Variants in PRKAR2B observed in about 807,000 individuals in gnomAD.
PRKAR2B encodes protein kinase cAMP-dependent type II regulatory subunit beta.
A neutral mutation model predicts 49.9 loss-of-function variants in PRKAR2B; 14 were observed. The observed-to-expected ratio is 0.28, with a 90% CI of 0.19 to 0.44. The LOEUF (loss-of-function observed/expected upper bound fraction) is 0.44, where lower values mean the gene tolerates loss of function less well. Among genes scored for constraint, PRKAR2B ranks in the 20% least tolerant of loss-of-function variants. The pLI is 1.00. For missense variants in PRKAR2B, 393 were observed against 537.9 expected, an observed-to-expected ratio of 0.73 and a Z score of 2.67; for synonymous variants, 196 against 197.7, an observed-to-expected ratio of 0.99 and a Z score of 0.07.
At chr7:107,112,003 C>CAAAAAAAA (rs71134251) in intron 2 of PRKAR2B, among the ~76,000 whole-genome samples, 4 of 46,146 alleles carry the variant, frequency 8.7e-5, no homozygotes, top group African/African-American at 2.8e-4. Context: ...CCTCCTCTAC[C>CAAAAAAAA]AAAAAAAAAA....
At chr7:107,085,523 A>G (rs1301998276) in intron 2 of PRKAR2B, among the ~76,000 whole-genome samples, 2 of 152,202 alleles carry the variant, frequency 1.3e-5, no homozygotes, top group African/African-American at 4.8e-5. Context: ...GAAGTAGTAC[A>G]GAAGAGTATA....
At chr7:107,091,846 A>G (rs185919413) in intron 2 of PRKAR2B, 1 of 152,098 alleles carries the variant, frequency 6.6e-6, no homozygotes, top group African/African-American at 2.4e-5. Flanking sequence ...TTTATCACCC[A>G]TGTAAGATGC....
intron 4 of PRKAR2B, among the ~76,000 whole-genome samples, chr7:107,134,379 A>G (rs1375740156): frequency 6.6e-6 from 1 of 152,172 alleles, no homozygotes; most frequent in Admixed American, 6.5e-5. Flanking sequence ...TAGAGGTTCC[A>G]TATTCTTTTT....
intron 5 of PRKAR2B, among the ~76,000 whole-genome samples, chr7:107,143,008 C>T (rs1195529335): frequency 1.3e-5 from 2 of 152,316 alleles, no homozygotes; most frequent in East Asian, 3.9e-4. Context: ...GGTAATCCGC[C>T]TGCCTTGGCT....
At chr7:107,115,201 T>C (rs1410330294) in intron 2 of PRKAR2B, among the ~76,000 whole-genome samples, 1 of 152,120 alleles carries the variant, frequency 6.6e-6, no homozygotes, top group Non-Finnish European at 1.5e-5. Flanking sequence ...ATTGATAACC[T>C]TGGGGAGAGG....
intron 2 of PRKAR2B, among the ~76,000 whole-genome samples, chr7:107,102,701 C>T (rs944269432): frequency 3.9e-5 from 6 of 152,250 alleles, no homozygotes; most frequent in African/African-American, 9.6e-5. Flanking sequence ...GACAGAGCCT[C>T]GCTCTGTCAC....
chr7:107,109,136 G>T (rs1425324680), intron 2 of PRKAR2B, among the ~76,000 whole-genome samples: 1 of 152,210 alleles, frequency 6.6e-6, no homozygotes, highest in Non-Finnish European at 1.5e-5. Flanking sequence ...CCAGGTCATT[G>T]CTGTGGCATC....
At chr7:107,048,811 A>G (rs1793749247) in intron 1 of PRKAR2B, among the ~76,000 whole-genome samples, 1 of 152,160 alleles carries the variant, frequency 6.6e-6, no homozygotes. Context: ...CAGTCTTATA[A>G]ATTCTAATTG....
chr7:107,102,981 GT>G (rs1284498849), intron 2 of PRKAR2B, among the ~76,000 whole-genome samples: 1 of 152,046 alleles, frequency 6.6e-6, no homozygotes, highest in African/African-American at 2.4e-5. Flanking sequence ...GAAAGAAATA[GT>G]TTTTCAAAAT....
At chr7:107,054,282 A>G (rs1420664625) in intron 1 of PRKAR2B, among the ~76,000 whole-genome samples, 2 of 152,168 alleles carry the variant, frequency 1.3e-5, no homozygotes, top group Admixed American at 6.5e-5. Flanking sequence ...TGAACCCGAG[A>G]GGCAGAGCTT....
intron 2 of PRKAR2B, among the ~76,000 whole-genome samples, chr7:107,091,320 A>G (rs1794729443): frequency 6.6e-6 from 1 of 152,234 alleles, no homozygotes; most frequent in Non-Finnish European, 1.5e-5. Context: ...TCATATGTGC[A>G]TTCTATGAGA....
chr7:107,121,813 A>T (rs1795394164), intron 2 of PRKAR2B, 139 bp from the exon 3 acceptor site: 3 of 424,844 alleles, frequency 7.1e-6, no homozygotes, highest in Admixed American at 4.4e-5. Flanking sequence ...TGGGGGGTAG[A>T]CTGCTTCTCC....
chr7:107,122,801 T>C (rs1170754363), intron 3 of PRKAR2B, among the ~76,000 whole-genome samples: 8 of 152,222 alleles, frequency 5.3e-5, no homozygotes, highest in South Asian at 4.1e-4. Context: ...TTGAAACTTA[T>C]GTAAAATCCA....
chr7:107,075,381 GTA>G (rs1794377164), intron 2 of PRKAR2B, among the ~76,000 whole-genome samples: 1 of 151,262 alleles, frequency 6.6e-6, no homozygotes, highest in Non-Finnish European at 1.5e-5. Flanking sequence ...GATTATAGGT[GTA>G]AGCCACCACA....
At chr7:107,088,925 T>A (rs1794670947) in intron 2 of PRKAR2B, among the ~76,000 whole-genome samples, 2 of 151,894 alleles carry the variant, frequency 1.3e-5, no homozygotes, top group African/African-American at 4.8e-5. Flanking sequence ...TAATCATATT[T>A]TGGGAGGCCG....
chr7:107,116,971 G>A (rs1268954527), intron 2 of PRKAR2B, among the ~76,000 whole-genome samples: 9 of 142,674 alleles, frequency 6.3e-5, no homozygotes, highest in Admixed American at 4.9e-4. Context: ...ATATATATAT[G>A]TGTATATATA....
chr7:107,071,701 A>C (rs1337897118), intron 2 of PRKAR2B, among the ~76,000 whole-genome samples: 2 of 152,318 alleles, frequency 1.3e-5, no homozygotes, highest in South Asian at 4.1e-4. Context: ...AATAATCACC[A>C]TTTCTACCTC....
chr7:107,048,145 G>A (rs1393595996), intron 1 of PRKAR2B, among the ~76,000 whole-genome samples: 1 of 152,148 alleles, frequency 6.6e-6, no homozygotes, highest in Non-Finnish European at 1.5e-5. Context: ...TTGACTGCCC[G>A]ATTCTATCTC....
rs180906172 is a variant in PRKAR2B, at chr7:107,140,968, A to G, written c.587+15A>G. ...GTAATTGATAGGTAAGTTTTGCCCAACCTTACTATTGAAATTGAAAGAACC... is the reference window on the plus strand; with the variant it reads ...GTAATTGATAGGTAAGTTTTGCCCAGCCTTACTATTGAAATTGAAAGAACC... On this transcript the variant is annotated intron_variant, in intron 5 of 10. Coordinates refer to ENST00000265717, the MANE Select transcript of PRKAR2B (RefSeq NM_002736.3). 4.5e-6 allele frequency: 7 copies of G among 1,566,756 alleles called. No homozygotes were observed. The East Asian group carries it at 6.8e-5, about 15-fold the overall frequency.
Sources: gnomAD v4.1 joint callset for allele counts (sites outside exome capture counted in the v4.1 genomes callset) on GRCh38, gnomAD v4.1.1 for gene constraint, MANE v1.5 for transcripts, NCBI Gene and HGNC (gene_info 2026-07-23, HGNC 2026-07-21) for gene names.